The following DST variants were observed in gnomAD, a reference collection of about 807,000 sequenced individuals.
DST encodes dystonin, also known as bullous pemphigoid antigen.
Under a neutral mutation model 875.2 loss-of-function variants are expected in DST, and 253 were observed. The ratio of observed to expected loss-of-function variants is 0.29; its 90% CI spans 0.26 to 0.32. The LOEUF (loss-of-function observed/expected upper bound fraction) is 0.32. DST is among the 10% of genes least tolerant of loss of function. The pLI is 1.00. For synonymous variants in DST, 3,124 were observed against 3,197.1 expected (o/e 0.98, Z 0.77); for missense variants, 8,287 against 9,111.6 (o/e 0.91, Z 3.68).
intron 4 of DST, among the ~76,000 whole-genome samples, chr6:56,846,837 C>A (rs937096011): frequency 1.3e-5 from 2 of 151,692 alleles, no homozygotes; most frequent in Admixed American, 6.6e-5. Context: ...AAGCCTGTCT[C>A]TACAAAAATA....
At chr6:56,579,874 A>T (rs1449461043) in intron 49 of DST, among the ~76,000 whole-genome samples, 2 of 152,208 alleles carry the variant, frequency 1.3e-5, no homozygotes, top group East Asian at 3.8e-4. Flanking sequence ...TCCTATAGGA[A>T]GGCTAAATTT....
chr6:56,771,736 AAC>A (rs1213002126), intron 4 of DST, among the ~76,000 whole-genome samples: 1 of 152,350 alleles, frequency 6.6e-6, no homozygotes, highest in East Asian at 1.9e-4. Flanking sequence ...AGAAATCATT[AAC>A]AGTTTTTGGC....
At chr6:56,467,059 C>T (rs998764621) in intron 98 of DST, 1 of 152,052 alleles carries the variant, frequency 6.6e-6, no homozygotes, top group African/African-American at 2.4e-5. Flanking sequence ...GTTTTGAAAG[C>T]CTGTGAGAAA....
chr6:56,499,505 C>A (rs2152455879), intron 80 of DST, among the ~76,000 whole-genome samples: 1 of 152,156 alleles, frequency 6.6e-6, no homozygotes, highest in South Asian at 2.1e-4. Context: ...TGGTCTGAGT[C>A]CTGCTACAAA....
At chr6:56,464,568 G>A (rs1475160381) in intron 100 of DST, 117 bp downstream of exon 100, 4 of 753,752 alleles carry the variant, frequency 5.3e-6, no homozygotes, top group East Asian at 5.4e-5. Context: ...CTGGATATGA[G>A]TTAAGCCATA....
intron 10 of DST, among the ~76,000 whole-genome samples, chr6:56,660,617 A>AG (rs1387365922): frequency 1.3e-5 from 2 of 151,608 alleles, no homozygotes; most frequent in Admixed American, 1.3e-4. Flanking sequence ...AATCACCAAA[A>AG]AAAAAAAAAG....
intron 17 of DST, among the ~76,000 whole-genome samples, chr6:56,641,048 G>T (rs1415750210): frequency 6.6e-6 from 1 of 151,090 alleles, no homozygotes; most frequent in Non-Finnish European, 1.5e-5. Context: ...AATTACTATA[G>T]ATTCCTAAAG....
At chr6:56,598,436 T>C (rs2098412986) in intron 46 of DST, 40 bp downstream of exon 46, 1 of 1,247,222 alleles carries the variant, frequency 8.0e-7, no homozygotes, top group African/African-American at 1.5e-5. Context: ...TGTTAAGCTT[T>C]TTGACATAGC....
intron 4 of DST, among the ~76,000 whole-genome samples, chr6:56,758,334 A>G (rs2099609167): frequency 6.6e-6 from 1 of 152,198 alleles, no homozygotes; most frequent in Admixed American, 6.5e-5. Flanking sequence ...TCTTCAATCC[A>G]GATGGCTGGA....
chr6:56,846,818 A>T (rs1053229085), intron 4 of DST, among the ~76,000 whole-genome samples: 1 of 151,950 alleles, frequency 6.6e-6, no homozygotes. Context: ...AGCCTGCACA[A>T]CATGGTGGAA....
chr6:56,630,710 A>G (rs1032142001), intron 30 of DST, among the ~76,000 whole-genome samples: 1 of 152,200 alleles, frequency 6.6e-6, no homozygotes, highest in Non-Finnish European at 1.5e-5. Context: ...AGGACCATAC[A>G]TTACACACTC....
In DST at chr6:56,473,968, T is replaced by C; in HGVS notation, c.21899A>G (p.Asp7300Gly). ...ATAGGTCTTCGTTACTTTATCAACA[T>C]CAGGCTGTTTTCTGGTCATTTCCTC... is the stretch of plus-strand genomic sequence containing the variant. ...FMEEMTRKQP[D>G]VDKVTKTYKR... Residue 7300 changes from aspartate (D) to glycine (G), a missense_variant, in exon 93 of 104, where the codon GAT (aspartate) becomes GGT (glycine). Asp to Gly is a moderately conservative substitution (Grantham distance 94, BLOSUM62 -1). Transcript: ENST00000680361. 1 of 1,581,784 alleles carries C rather than the reference T, an allele frequency of 6.3e-7. No individual in the cohort carries two copies. Among genetic ancestry groups the C allele is most frequent in the South Asian group, 1.2e-5 (1 of 86,736 alleles).
chr6:56,608,862 G>A lies in DST; in HGVS notation c.5766C>T (p.Asp1922=). Residue 1922 remains aspartate, a synonymous_variant, in exon 40 of 104, where the codon GAC becomes GAT. Transcript: ENST00000680361. Reference sequence around the variant, plus strand: ...AAGAAACCTTCTCAGAGGTGCAGGGGTCAATAAGATCTTTGCACATATTTT... The same window carrying A: ...AAGAAACCTTCTCAGAGGTGCAGGGATCAATAAGATCTTTGCACATATTTT... ...ERQNMCKDLI[D]PCTSEKVSLI... is the part of the protein sequence containing the mutation. 6.8e-6 allele frequency: 11 copies of A among 1,613,400 alleles called. No individual in the cohort carries two copies. Among genetic ancestry groups the A allele is most frequent in the African/African-American group, 2.7e-5 (2 of 75,014 alleles).
At chr6:56,882,468 C>G (rs905998403) in intron 3 of DST, among the ~76,000 whole-genome samples, 2 of 152,194 alleles carry the variant, frequency 1.3e-5, no homozygotes, top group African/African-American at 4.8e-5. Flanking sequence ...AGCATCCTAA[C>G]TAATGATAGT....
At chr6:56,754,058 AC>A (rs2099595576) in intron 4 of DST, among the ~76,000 whole-genome samples, 1 of 152,200 alleles carries the variant, frequency 6.6e-6, no homozygotes, top group African/African-American at 2.4e-5. Context: ...ACTTCATACC[AC>A]TGATAATGAA....
chr6:56,511,304 A>G lies in DST; in HGVS notation c.18673T>C (p.Ser6225Pro), dbSNP rs1033335791. 2 of 1,605,994 alleles carry G rather than the reference A, an allele frequency of 1.2e-6. No homozygotes were observed. The highest frequency in any genetic ancestry group is 2.2e-5 in the East Asian group (1 of 44,696). ...LLELSPGEGF[S>P]IQEKYVAADT... ...GCTGCCACATACTTCTCTTGGATAG[A>G]AAAGCCTTCCCCAGGGCTCAATTCC... The change falls in exon 73 of 104, where the codon TCT (serine) becomes CCT (proline). Residue 6225 changes from serine to proline, a missense_variant. By Grantham distance (74) the Ser-to-Pro change is moderately conservative. Transcript: ENST00000680361.
chr6:56,628,974 GA>G (rs1423870551), intron 32 of DST, among the ~76,000 whole-genome samples: 1 of 152,114 alleles, frequency 6.6e-6, no homozygotes, highest in Non-Finnish European at 1.5e-5. Flanking sequence ...GTAATAATTA[GA>G]GAACTACATT....
intron 3 of DST, among the ~76,000 whole-genome samples, chr6:56,893,245 C>T (rs1033647365): frequency 4.6e-5 from 7 of 152,186 alleles, no homozygotes; most frequent in Non-Finnish European, 7.4e-5. Context: ...TCAGTGAGAA[C>T]ATATGATGTT....
At chr6:56,793,124 T>C (rs1384276274) in intron 4 of DST, among the ~76,000 whole-genome samples, 2 of 149,016 alleles carry the variant, frequency 1.3e-5, no homozygotes, top group East Asian at 3.9e-4. Flanking sequence ...GAGGGCACTG[T>C]TCTAGCAATC....
Sources: allele counts gnomAD v4.1 joint callset (sites outside exome capture counted in the v4.1 genomes callset), GRCh38; gene constraint gnomAD v4.1.1; transcripts MANE v1.5; gene names NCBI Gene and HGNC (gene_info 2026-07-23, HGNC 2026-07-21).